HYAL4: variants seen among roughly 807,000 people sequenced by gnomAD.
HYAL4 encodes hyaluronidase 4.
A neutral mutation model predicts 35.2 loss-of-function variants in HYAL4; 37 were observed. The observed-to-expected ratio is 1.05, with a 90% confidence interval of 0.81 to 1.38. HYAL4 has a LOEUF of 1.38. Ranked by LOEUF, HYAL4 falls within the 40% of genes most tolerant of loss-of-function variation. The pLI is 0.00. For missense variants in HYAL4, 572 were observed against 572.4 expected (o/e 1.00, Z 0.01); for synonymous variants, 198 against 203.2 (o/e 0.97, Z 0.22).
At chr7:123,855,827 A>G (rs780629657) in intron 2 of HYAL4, among the ~76,000 whole-genome samples, 10 of 152,178 alleles carry the variant, frequency 6.6e-5, no homozygotes, top group Non-Finnish European at 1.5e-4. Context: ...CATCACTTTC[A>G]GGTAAACCAA....
the HYAL4 span, among the ~76,000 whole-genome samples, chr7:123,811,368 T>A: frequency 6.6e-6 from 1 of 152,238 alleles, no homozygotes; most frequent in Non-Finnish European, 1.5e-5. Flanking sequence ...TTGGAATTGT[T>A]CTGGATTTGG....
the HYAL4 span, among the ~76,000 whole-genome samples, chr7:123,777,341 A>G: frequency 6.6e-6 from 1 of 152,108 alleles, no homozygotes; most frequent in Non-Finnish European, 1.5e-5. Context: ...ACATATTGAA[A>G]TAATAATGTC....
upstream of HYAL4, among the ~76,000 whole-genome samples, chr7:123,824,418 AG>A (rs1041901692): frequency 5.3e-5 from 8 of 152,160 alleles, no homozygotes; most frequent in Non-Finnish European, 1.2e-4. Flanking sequence ...GGATGAGAAA[AG>A]GTGGCAATAT....
chr7:123,773,150 G>A, the HYAL4 span, among the ~76,000 whole-genome samples: 1 of 152,114 alleles, frequency 6.6e-6, no homozygotes, highest in African/African-American at 2.4e-5. Flanking sequence ...TTCGCACTTC[G>A]TTTTTGCTTC....
chr7:123,791,003 G>C, the HYAL4 span, among the ~76,000 whole-genome samples: 1 of 152,144 alleles, frequency 6.6e-6, no homozygotes, highest in East Asian at 1.9e-4. Context: ...GACCTCAGGT[G>C]ATCCACCCGC....
At chr7:123,779,590 G>A in the HYAL4 span, among the ~76,000 whole-genome samples, 1 of 152,116 alleles carries the variant, frequency 6.6e-6, no homozygotes, top group Non-Finnish European at 1.5e-5. Context: ...AATTATTGAA[G>A]CTGCATGATT....
At chr7:123,767,655 CAG>C in the HYAL4 span, among the ~76,000 whole-genome samples, 1 of 152,162 alleles carries the variant, frequency 6.6e-6, no homozygotes, top group African/African-American at 2.4e-5. Flanking sequence ...TTGTCCTGAC[CAG>C]AGTCATGTCC....
chr7:123,831,257 G>T (rs1028883554), intron 1 of HYAL4, among the ~76,000 whole-genome samples: 4 of 152,068 alleles, frequency 2.6e-5, no homozygotes, highest in African/African-American at 9.7e-5. Context: ...CTTCCCCTTT[G>T]ACCTTCTCTG....
In HYAL4 at chr7:123,868,218, C is replaced by A; in HGVS notation, c.-51-5C>A. 1.1e-6 allele frequency: 1 copy of A among 887,850 alleles called. No homozygotes were observed. Among genetic ancestry groups the A allele is most frequent in the Non-Finnish European group, 1.7e-6 (1 of 603,052 alleles). 55.0% of individuals were successfully genotyped at this position (887,850 alleles called of 1,614,324 possible). A position where few individuals can be genotyped will look rare whatever the true frequency, so the allele number is the denominator to read the frequency against. ...TGACTAACAGAAAATTAAATCTCTC[C>A]ACAGGTCTTCTAGAGTGCACTAAAG... On this transcript the variant is annotated splice_polypyrimidine_tract_variant and splice_region_variant and intron_variant, in intron 2 of 4. Transcript: ENST00000223026.
chr7:123,813,179 A>T, the HYAL4 span, among the ~76,000 whole-genome samples: 1 of 152,180 alleles, frequency 6.6e-6, no homozygotes, highest in East Asian at 1.9e-4. Context: ...AAAGAAACTG[A>T]GTTTAATTAT....
In HYAL4 at chr7:123,868,913, C is replaced by T; in HGVS notation, c.640C>T (p.Leu214Phe). The T allele has an allele frequency of 6.2e-7, 1 of 1,614,182 alleles. No homozygotes were observed. The highest frequency in any genetic ancestry group is 1.3e-5 in the African/African-American group (1 of 75,048). Residue 214 changes from leucine to phenylalanine, a missense_variant, in exon 3 of 5, where the codon CTT becomes TTT. By Grantham distance (22) the Leu-to-Phe change is conservative. Coordinates refer to ENST00000223026, the MANE Select transcript of HYAL4 (RefSeq NM_012269.3). ...KLGIKSRPKG[L>F]WGYYLYPDCH... ...GGGAATTAAGAGCCGACCCAAAGGC[C>T]TTTGGGGTTATTATTTATATCCTGA...
At chr7:123,869,773 C>A (rs981337095) in intron 3 of HYAL4, among the ~76,000 whole-genome samples, 1 of 151,760 alleles carries the variant, frequency 6.6e-6, no homozygotes, top group Non-Finnish European at 1.5e-5. Flanking sequence ...CTGCACCCCC[C>A]ACCTCCTGGG....
the HYAL4 span, among the ~76,000 whole-genome samples, chr7:123,809,691 C>A: frequency 6.6e-6 from 1 of 152,014 alleles, no homozygotes; most frequent in African/African-American, 2.4e-5. Context: ...GAGCCACTGC[C>A]CCCAGCATTT....
At chr7:123,790,949 G>A in the HYAL4 span, among the ~76,000 whole-genome samples, 1 of 151,940 alleles carries the variant, frequency 6.6e-6, no homozygotes, top group South Asian at 2.1e-4. Flanking sequence ...ATTTTTAGTA[G>A]AGACAGGATT....
rs769003907 is a variant in HYAL4, at chr7:123,868,866, T to C, written c.593T>C (p.Phe198Ser). 5 of 1,614,098 alleles carry C rather than the reference T, an allele frequency of 3.1e-6. No individual in the cohort carries two copies. The highest frequency in any genetic ancestry group is 4.2e-6 in the Non-Finnish European group (5 of 1,180,042). Residue 198 changes from phenylalanine (F) to serine (S), a missense_variant, in exon 3 of 5, where the codon TTC becomes TCC. Physicochemically the swap from Phe to Ser is radical, Grantham distance 155. Transcript: ENST00000223026. ...KVTFEESAKA[F>S]MKETIKLGIK... Reference sequence around the variant, plus strand: ...ACCTTTGAAGAAAGTGCAAAAGCTTTCATGAAGGAAACCATCAAATTGGGA... The same window carrying C: ...ACCTTTGAAGAAAGTGCAAAAGCTTCCATGAAGGAAACCATCAAATTGGGA...
the HYAL4 span, among the ~76,000 whole-genome samples, chr7:123,787,375 C>T: frequency 6.6e-6 from 1 of 151,942 alleles, no homozygotes; most frequent in Non-Finnish European, 1.5e-5. Context: ...TGAGTTCACT[C>T]CAGTTGCCTA....
chr7:123,863,805 C>G (rs1806629713), intron 2 of HYAL4, among the ~76,000 whole-genome samples: 1 of 152,146 alleles, frequency 6.6e-6, no homozygotes, highest in South Asian at 2.1e-4. Context: ...GTAGTACTCA[C>G]AGTTTCTGAA....
chr7:123,825,691 A>G (rs942993316), upstream of HYAL4, among the ~76,000 whole-genome samples: 3 of 152,168 alleles, frequency 2.0e-5, no homozygotes, highest in Admixed American at 1.3e-4. Flanking sequence ...TGCATTATCA[A>G]TGAGTTGGAG....
upstream of HYAL4, among the ~76,000 whole-genome samples, chr7:123,825,530 C>T (rs145228960): frequency 6.6e-6 from 1 of 151,872 alleles, no homozygotes; most frequent in African/African-American, 2.4e-5. Context: ...AGAGATCTGG[C>T]CTTTGTCCTT....
Sources: gnomAD v4.1 joint callset for allele counts (sites outside exome capture counted in the v4.1 genomes callset) on GRCh38, gnomAD v4.1.1 for gene constraint, MANE v1.5 for transcripts, NCBI Gene and HGNC (gene_info 2026-07-23, HGNC 2026-07-21) for gene names.